ATP7B: variants seen among roughly 807,000 people sequenced by gnomAD.
The protein encoded by ATP7B is ATPase copper transporting beta.
ATP7B carries 113 observed loss-of-function variants against 118.9 expected under a neutral mutation model. The ratio of observed to expected loss-of-function variants is 0.95; its 90% CI spans 0.82 to 1.11. The LOEUF (loss-of-function observed/expected upper bound fraction) is 1.11, where lower values mean the gene tolerates loss of function less well. ATP7B is among the 50% of genes most tolerant of loss of function. The probability of loss-of-function intolerance (pLI) is 0.00; values close to 1 mark genes in which losing one functional copy is unlikely to be tolerated. For synonymous variants in ATP7B, 777 were observed against 727.4 expected, an observed-to-expected ratio of 1.07 and a Z score of -1.10; for missense variants, 1,867 against 1,871.4, an observed-to-expected ratio of 1.00 and a Z score of 0.04.
chr13:51,981,104 T>C (rs1952394130), intron 1 of ATP7B, among the ~76,000 whole-genome samples: 1 of 152,232 alleles, frequency 6.6e-6, no homozygotes, highest in Non-Finnish European at 1.5e-5. Context: ...ACTCAGAAGC[T>C]TATCCAAGAG....
intron 1 of ATP7B, among the ~76,000 whole-genome samples, chr13:51,976,943 G>A (rs938839893): frequency 2.0e-5 from 3 of 152,080 alleles, no homozygotes; most frequent in African/African-American, 4.8e-5. Context: ...CACTACTGTC[G>A]ATTTTATAAA....
rs762218718 is a variant in ATP7B, at chr13:51,970,619, C to T, written c.1416G>A (p.Pro472=). The T allele has an allele frequency of 2.0e-5, 32 of 1,613,992 alleles. No homozygotes were observed. The highest frequency in any genetic ancestry group is 4.0e-5 in the African/African-American group (3 of 74,886). The change falls in exon 3 of 21, where the codon CCG becomes CCA. Residue 472 remains proline (P), a synonymous_variant. Transcript: ENST00000242839. ...HTGRLPANHA[P]DILAKSPQST... Reference sequence around the variant, plus strand: ...ATTGTGGGGACTTTGCCAAGATGTCCGGGGCATGGTTTGCAGGGAGCCTCC... The same window carrying T: ...ATTGTGGGGACTTTGCCAAGATGTCTGGGGCATGGTTTGCAGGGAGCCTCC...
At chr13:51,989,548 G>A (rs1441077631) in intron 1 of ATP7B, among the ~76,000 whole-genome samples, 2 of 151,140 alleles carry the variant, frequency 1.3e-5, no homozygotes, top group South Asian at 2.1e-4. Flanking sequence ...AAAAAAGTGA[G>A]TAAAATTAAA....
At position 51,942,395 on chromosome 13, in the gene ATP7B, C is replaced by T. The variant is rs187200982; in HGVS notation, c.3403G>A (p.Ala1135Thr). 2.7e-3 allele frequency: 4,385 copies of T among 1,614,070 alleles called. 113 individuals carry two copies. The highest frequency in any genetic ancestry group is 5.4e-4 in the Non-Finnish European group (640 of 1,180,034). The change falls in exon 15 of 21, where the codon GCA (alanine) becomes ACA (threonine). Residue 1135 changes from alanine (A) to threonine (T), a missense_variant. Coordinates refer to ENST00000242839, the MANE Select transcript of ATP7B (RefSeq NM_000053.4). ...CAAAAGCCAGCAATACCTTTTTCTGCGGGAAGGCTGCCAGCCTCATTCAGG... is the reference window on the plus strand; with the variant it reads ...CAAAAGCCAGCAATACCTTTTTCTGTGGGAAGGCTGCCAGCCTCATTCAGG... Reference protein sequence around the residue: ...SHLNEAGSLPAEKDAVPQTFS... With the variant: ...SHLNEAGSLPTEKDAVPQTFS...
At position 51,941,238 on chromosome 13, in the gene ATP7B, G is replaced by A. The variant is rs760199892; in HGVS notation, c.3413-14C>T. The stretch of plus-strand genomic sequence containing the variant: ...GGGGGACTGCATCTATTCAAAAGAG[G>A]CTGTGGTTATTTCTAAATGGTCCAA... On this transcript the variant is annotated splice_polypyrimidine_tract_variant and intron_variant, in intron 15 of 20. Coordinates refer to ENST00000242839, the MANE Select transcript of ATP7B (RefSeq NM_000053.4). 17 of 1,613,870 alleles carry A rather than the reference G, an allele frequency of 1.1e-5. No individual in the cohort carries two copies. Among genetic ancestry groups the A allele is most frequent in the Non-Finnish European group, 1.4e-5 (17 of 1,179,910 alleles).
intron 2 of ATP7B, among the ~76,000 whole-genome samples, chr13:51,971,081 G>A (rs186904273): frequency 1.3e-5 from 2 of 152,234 alleles, no homozygotes; most frequent in Admixed American, 6.5e-5. Context: ...TACTGCATGC[G>A]GGGTGCTATT....
At chr13:51,978,682 T>C (rs1457604641) in intron 1 of ATP7B, 1 of 152,238 alleles carries the variant, frequency 6.6e-6, no homozygotes, top group African/African-American at 2.4e-5. Flanking sequence ...TGACTCTGTA[T>C]GTAATGAAAT....
upstream of ATP7B, chr13:52,011,455 T>TCGGCA: frequency 8.2e-7 from 1 of 1,222,834 alleles, no homozygotes; most frequent in East Asian, 2.5e-5. Context: ...TGTGAGGGCA[T>TCGGCA]CGGCGCGGCT....
In ATP7B at chr13:51,944,024, C is replaced by T. The variant is rs910690683; in HGVS notation, c.3243+85G>A. On this transcript the variant is annotated intron_variant, in intron 14 of 20. Coordinates refer to ENST00000242839, the MANE Select transcript of ATP7B (RefSeq NM_000053.4). ...TTTCCAGACCACACAGAGAAGGCTCCTCGAGGGCAGCTAGGAGAGAAGGAC... is the reference window on the plus strand; with the variant it reads ...TTTCCAGACCACACAGAGAAGGCTCTTCGAGGGCAGCTAGGAGAGAAGGAC... 1.9e-6 allele frequency: 3 copies of T among 1,568,950 alleles called. No individual in the cohort carries two copies. In the African/African-American group the frequency reaches 4.0e-5, roughly 21 times the overall value.
Position 51,950,087 on chromosome 13 carries a change from G to C in ATP7B, c.2650C>G (p.Leu884Val). Residue 884 changes from leucine (L) to valine (V), a missense_variant, in exon 11 of 21, where the codon CTC becomes GTC. By Grantham distance (32) the Leu-to-Val change is conservative. Coordinates refer to ENST00000242839, the MANE Select transcript of ATP7B (RefSeq NM_000053.4). ...AGSINAHGSV[L>V]IKATHVGNDT... ...TTGCCCACGTGGGTAGCTTTAATGA[G>C]CACAGAGCCATGTGCATTTATAGAC... 6.2e-7 allele frequency: 1 copy of C among 1,614,192 alleles called. No individual in the cohort carries two copies. The highest frequency in any genetic ancestry group is 8.5e-7 in the Non-Finnish European group (1 of 1,180,042).
intron 1 of ATP7B, among the ~76,000 whole-genome samples, chr13:51,975,934 G>A (rs906832264): frequency 3.9e-5 from 6 of 152,192 alleles, no homozygotes; most frequent in African/African-American, 7.2e-5. Context: ...CAGTGTCACC[G>A]CCCTCCTGGG....
At chr13:51,959,747 T>A (rs1341652570) in intron 7 of ATP7B, 1 of 257,524 alleles carries the variant, frequency 3.9e-6, no homozygotes, top group Non-Finnish European at 7.6e-6. Context: ...CCTTTTAAGA[T>A]AGAACACTCA....
intron 1 of ATP7B, among the ~76,000 whole-genome samples, chr13:51,977,974 C>T (rs1476618608): frequency 2.0e-5 from 3 of 152,230 alleles, no homozygotes; most frequent in East Asian, 1.9e-4. Flanking sequence ...GAAACGTCTA[C>T]GTCAAAAGAC....
chr13:51,961,850 T>C lies in ATP7B; in HGVS notation c.1933A>G (p.Met645Val), dbSNP rs749412315. The C allele has an allele frequency of 1.4e-5, 23 of 1,613,788 alleles. No individual in the cohort carries two copies. The highest frequency in any genetic ancestry group is 2.2e-5 in the East Asian group (1 of 44,890). ...NPNAHHLDHK[M>V]EIKQWKKSFL... The stretch of plus-strand genomic sequence containing the variant: ...TGTTCTACCTACTGCTTTATTTCCA[T>C]CTTGTGGTCCAAGTGATGAGCGTTG... Residue 645 changes from methionine to valine, a missense_variant, in exon 6 of 21, where the codon ATG becomes GTG. Coordinates refer to ENST00000242839, the MANE Select transcript of ATP7B (RefSeq NM_000053.4).
chr13:52,004,145 C>T (rs1380512787), intron 1 of ATP7B, among the ~76,000 whole-genome samples: 1 of 152,182 alleles, frequency 6.6e-6, no homozygotes, highest in Non-Finnish European at 1.5e-5. Context: ...GCCTGTAAAC[C>T]CAGCTACTCG....
At position 51,957,903 on chromosome 13, in the gene ATP7B, T is replaced by C. The variant is rs752570; in HGVS notation, c.2356-296A>G. On this transcript the variant is annotated intron_variant, in intron 8 of 20. Transcript: ENST00000242839. ...CTTTTAGGTTCAATCTAATTTCTTT[T>C]AGGGCCTGAGTTCCATTCTCTTGTA... The C allele has an allele frequency of 0.42, 196,700 of 471,370 alleles. 44,374 individuals are homozygous for C. The highest frequency in any genetic ancestry group is 0.48 in the Non-Finnish European group (123,594 of 256,486). The allele number at this position is 471,370 out of a possible 1,614,324, so 29.2% of individuals were successfully genotyped here. A position where few individuals can be genotyped will look rare whatever the true frequency, so the allele number is the denominator to read the frequency against.
At chr13:51,977,483 C>T (rs780058514) in intron 1 of ATP7B, among the ~76,000 whole-genome samples, 2 of 152,178 alleles carry the variant, frequency 1.3e-5, no homozygotes, top group Non-Finnish European at 1.5e-5. Context: ...ACTGGAAGGT[C>T]TTCAGGTGCG....
At chr13:51,961,753 G>C in intron 6 of ATP7B, 84 bp downstream of exon 6, 2 of 1,346,432 alleles carry the variant, frequency 1.5e-6, no homozygotes, top group Non-Finnish European at 2.1e-6. Context: ...ACCATGGGAA[G>C]ACAAGACCAG....
In ATP7B at chr13:51,965,267, G is replaced by A. The variant is rs138981028; in HGVS notation, c.1708-234C>T. 1.6e-4 allele frequency among the ~76,000 whole-genome samples: 24 copies of A among 152,324 alleles called. 1 individual carries two copies. The East Asian group carries it at 3.3e-3, about 21-fold the overall frequency. ...AAACAGGTACAAGAGACAGCCAATC[G>A]TGAAGCAGATGGCAACAGACCAAGG... is the stretch of plus-strand genomic sequence containing the variant. On this transcript the variant is annotated intron_variant, in intron 4 of 20. Transcript: ENST00000242839.
Sources: gnomAD v4.1 joint callset for allele counts (sites outside exome capture counted in the v4.1 genomes callset) on GRCh38, gnomAD v4.1.1 for gene constraint, MANE v1.5 for transcripts, NCBI Gene and HGNC (gene_info 2026-07-23, HGNC 2026-07-21) for gene names.